CEP120: variants seen among roughly 807,000 people sequenced by gnomAD.
CEP120 encodes the protein centrosomal protein of 120 kDa.
A neutral mutation model predicts 126.5 loss-of-function variants in CEP120; 113 were observed. The ratio of observed to expected loss-of-function variants is 0.89; its 90% CI spans 0.77 to 1.04. The LOEUF is 1.04. Ranked by LOEUF, CEP120 falls within the 50% of genes least tolerant of loss-of-function variation. The probability of loss-of-function intolerance (pLI) is 0.00; values close to 1 mark genes in which losing one functional copy is unlikely to be tolerated. For synonymous variants in CEP120, 400 were observed against 394.3 expected, an observed-to-expected ratio of 1.01 and a Z score of -0.17; for missense variants, 1,230 against 1,155.7, an observed-to-expected ratio of 1.06 and a Z score of -0.93.
chr5:123,423,623 G>A (rs1774870764), upstream of CEP120: 1 of 152,002 alleles, frequency 6.6e-6, no homozygotes, highest in Non-Finnish European at 1.5e-5. Context: ...CCTTTAAGGA[G>A]CGTGAGTGTA....
intron 16 of CEP120, among the ~76,000 whole-genome samples, chr5:123,375,891 C>A (rs1771179748): frequency 6.6e-6 from 1 of 151,986 alleles, no homozygotes; most frequent in Non-Finnish European, 1.5e-5. Context: ...GGAAACTGTT[C>A]ATGAGAAAAT....
intron 14 of CEP120, among the ~76,000 whole-genome samples, chr5:123,381,315 G>C (rs978664600): frequency 6.6e-6 from 1 of 152,046 alleles, no homozygotes; most frequent in Non-Finnish European, 1.5e-5. Flanking sequence ...CTGAGAAAAC[G>C]GAATGGAGAC....
chr5:123,367,473 A>G (rs1273883170), intron 17 of CEP120, among the ~76,000 whole-genome samples: 2 of 151,858 alleles, frequency 1.3e-5, no homozygotes, highest in Non-Finnish European at 2.9e-5. Flanking sequence ...GTGTTCCAAA[A>G]TCCAATACCT....
intron 10 of CEP120, among the ~76,000 whole-genome samples, chr5:123,386,095 C>CA (rs1772002788): frequency 6.6e-6 from 1 of 151,952 alleles, no homozygotes; most frequent in Non-Finnish European, 1.5e-5. Flanking sequence ...TTCAGATAGT[C>CA]AGATTAACAT....
chr5:123,413,427 C>A (rs1774195389), intron 3 of CEP120, among the ~76,000 whole-genome samples: 1 of 152,026 alleles, frequency 6.6e-6, no homozygotes, highest in African/African-American at 2.4e-5. Flanking sequence ...CGAACAAAAG[C>A]CTTCTTACAG....
At chr5:123,372,812 T>G in intron 16 of CEP120, 40 bp from the exon 17 acceptor site, 1 of 1,506,110 alleles carries the variant, frequency 6.6e-7, no homozygotes, top group Non-Finnish European at 9.0e-7. Flanking sequence ...AACAATGATA[T>G]GCAAAGTTTA....
At position 123,386,596 on chromosome 5, in the gene CEP120, A is replaced by T. The variant is rs775681866; in HGVS notation, c.1502T>A (p.Met501Lys). 1 of 1,592,752 alleles carries T rather than the reference A, an allele frequency of 6.3e-7. No homozygotes were observed. Among genetic ancestry groups the T allele is most frequent in the South Asian group, 1.1e-5 (1 of 88,440 alleles). ...GTAAGACTGGGGAAGAAAAACTTCCATGTTTTTCCGAACTTCTACAGGAGG... is the reference window on the plus strand; with the variant it reads ...GTAAGACTGGGGAAGAAAAACTTCCTTGTTTTTCCGAACTTCTACAGGAGG... ...TNPPVEVRKN[M>K]EVFLPQSYCA... Residue 501 changes from methionine to lysine, a missense_variant, in exon 10 of 20, where the codon ATG becomes AAG. Physicochemically the swap from Met to Lys is moderately conservative, Grantham distance 95 (BLOSUM62 -1). Coordinates refer to ENST00000306467, the MANE Select transcript of CEP120 (RefSeq NM_001375405.1).
chr5:123,412,322 A>G lies in CEP120; in HGVS notation c.463+77T>C, dbSNP rs113596690. On this transcript the variant is annotated intron_variant, in intron 4 of 19. Coordinates refer to ENST00000306467, the MANE Select transcript of CEP120 (RefSeq NM_001375405.1). Reference sequence around the variant, plus strand: ...GTTTACACCCTGCATATATGTCCCTATAACACTCCCGCTTCCTAAAGCTCT... The same window carrying G: ...GTTTACACCCTGCATATATGTCCCTGTAACACTCCCGCTTCCTAAAGCTCT... 7.2e-4 allele frequency: 1,045 copies of G among 1,449,680 alleles called. 6 individuals are homozygous for G. In the African/African-American group the frequency reaches 0.012, roughly 16 times the overall value. The allele number at this position is 1,449,680 out of a possible 1,614,324, so 89.8% of individuals were successfully genotyped here.
intron 18 of CEP120, among the ~76,000 whole-genome samples, chr5:123,356,598 C>T (rs1390615750): frequency 7.2e-6 from 1 of 138,200 alleles, no homozygotes; most frequent in Non-Finnish European, 1.6e-5. Context: ...TCTTCTCTCT[C>T]CTTTTAATCA....
chr5:123,366,572 C>A (rs1770475891), intron 17 of CEP120, among the ~76,000 whole-genome samples: 1 of 151,832 alleles, frequency 6.6e-6, no homozygotes, highest in African/African-American at 2.4e-5. Flanking sequence ...ATTCCCAGAT[C>A]AATTCTGTCA....
intron 18 of CEP120, among the ~76,000 whole-genome samples, chr5:123,361,387 T>TGCTA (rs1191242277): frequency 1.3e-5 from 2 of 151,836 alleles, no homozygotes; most frequent in African/African-American, 4.8e-5. Flanking sequence ...GGTGAACAAC[T>TGCTA]GCTATATCCA....
chr5:123,423,779 A>G (rs1055940293), upstream of CEP120, among the ~76,000 whole-genome samples: 4 of 152,228 alleles, frequency 2.6e-5, no homozygotes, highest in Admixed American at 2.6e-4. Context: ...ACTTAAATCT[A>G]AACTCTAAAG....
rs991290884 is a variant in CEP120, at chr5:123,388,557, A to G, written c.1305T>C (p.Asn435=). 17 of 1,608,524 alleles carry G rather than the reference A, an allele frequency of 1.1e-5. No homozygotes were observed. The highest frequency in any genetic ancestry group is 2.7e-5 in the African/African-American group (2 of 74,690). ...ASLAQLVTTS[N]ASEVASGQKI... ...TCTGTCCTGAAGCTACTTCTGAAGC[A>G]TTGGATGTAGTCACTAGCTGGGCCA... The change falls in exon 9 of 20, where the codon AAT becomes AAC. Residue 435 remains asparagine (N), a synonymous_variant. Coordinates refer to ENST00000306467, the MANE Select transcript of CEP120 (RefSeq NM_001375405.1).
chr5:123,422,217 C>G (rs1774761282), intron 1 of CEP120, among the ~76,000 whole-genome samples: 1 of 152,228 alleles, frequency 6.6e-6, no homozygotes, highest in African/African-American at 2.4e-5. Context: ...CTTTTTTCAC[C>G]TGACAAATTC....
chr5:123,359,963 C>T (rs1044318928), intron 18 of CEP120, among the ~76,000 whole-genome samples: 1 of 151,936 alleles, frequency 6.6e-6, no homozygotes, highest in East Asian at 1.9e-4. Flanking sequence ...TATTAACAAT[C>T]TAAGATATGG....
At chr5:123,372,555 A>G in intron 17 of CEP120, 95 bp downstream of exon 17, 1 of 1,258,606 alleles carries the variant, frequency 7.9e-7, no homozygotes, top group Non-Finnish European at 1.1e-6. Flanking sequence ...TCAGAACACT[A>G]CAGCAAAACA....
chr5:123,394,408 C>CTTA (rs896228801), intron 5 of CEP120, among the ~76,000 whole-genome samples: 9 of 152,136 alleles, frequency 5.9e-5, no homozygotes, highest in African/African-American at 2.2e-4. Flanking sequence ...ACCTAGATCC[C>CTTA]TTACATGTGT....
chr5:123,380,360 C>T (rs1165811063), intron 14 of CEP120, among the ~76,000 whole-genome samples: 2 of 152,052 alleles, frequency 1.3e-5, no homozygotes, highest in Non-Finnish European at 2.9e-5. Flanking sequence ...AATGGCAAAT[C>T]TCAATCTCAG....
At chr5:123,395,007 A>C (rs901601006) in intron 5 of CEP120, among the ~76,000 whole-genome samples, 13 of 152,228 alleles carry the variant, frequency 8.5e-5, no homozygotes, top group African/African-American at 3.1e-4. Context: ...GTGAGAATGG[A>C]AAATACCTAG....
Sources: gnomAD v4.1 joint callset for allele counts (sites outside exome capture counted in the v4.1 genomes callset) on GRCh38, gnomAD v4.1.1 for gene constraint, MANE v1.5 for transcripts, NCBI Gene and HGNC (gene_info 2026-07-23, HGNC 2026-07-21) for gene names.